TRAPPC9: variants seen among roughly 807,000 people sequenced by gnomAD.
The protein encoded by TRAPPC9 is trafficking protein particle complex subunit 9, also known as IKK2 binding protein.
In TRAPPC9, 83 loss-of-function variants were observed where a neutral mutation model predicts 124.0. The observed-to-expected ratio is 0.67, with a 90% CI of 0.56 to 0.80. The LOEUF is 0.80. Ranked by LOEUF, TRAPPC9 falls within the 30% of genes least tolerant of loss-of-function variation. The pLI, the probability that TRAPPC9 is intolerant of heterozygous loss-of-function variation, is 0.00. For missense variants in TRAPPC9, 1,302 were observed against 1,508.3 expected (o/e 0.86, Z 2.27); for synonymous variants, 638 against 617.5 (o/e 1.03, Z -0.49).
chr8:140,447,314 A>C (rs139859225), intron 2 of TRAPPC9, among the ~76,000 whole-genome samples: 1 of 152,198 alleles, frequency 6.6e-6, no homozygotes, highest in Non-Finnish European at 1.5e-5. Context: ...AAATGAAAAG[A>C]CTATCCAGTT....
At chr8:140,177,779 T>A (rs1317096958) in intron 17 of TRAPPC9, among the ~76,000 whole-genome samples, 1 of 152,134 alleles carries the variant, frequency 6.6e-6, no homozygotes, top group East Asian at 1.9e-4. Context: ...CTCAAGACAA[T>A]CTTTTATAAT....
chr8:140,300,644 C>G (rs746799360), intron 10 of TRAPPC9, 30 bp from the exon 11 acceptor site: 2 of 1,613,874 alleles, frequency 1.2e-6, no homozygotes, highest in Admixed American at 1.7e-5. Flanking sequence ...ACAAATACTT[C>G]AACTGTCTGG....
chr8:140,111,453 G>T (rs1051443317), intron 17 of TRAPPC9, among the ~76,000 whole-genome samples: 4 of 152,162 alleles, frequency 2.6e-5, no homozygotes, highest in Admixed American at 6.5e-5. Flanking sequence ...GGAACATGGT[G>T]GGGGGAAGCA....
At chr8:139,818,153 C>T (rs933617470) in intron 21 of TRAPPC9, among the ~76,000 whole-genome samples, 8 of 152,214 alleles carry the variant, frequency 5.3e-5, no homozygotes, top group African/African-American at 1.9e-4. Context: ...GGCTTTCTGA[C>T]TCCAAAGAGT....
chr8:140,259,616 C>T (rs1189438056), intron 15 of TRAPPC9, among the ~76,000 whole-genome samples: 2 of 152,234 alleles, frequency 1.3e-5, no homozygotes, highest in African/African-American at 4.8e-5. Flanking sequence ...TAGCGCCCAG[C>T]TTAGAATAAG....
chr8:140,236,770 G>A (rs939339297), intron 16 of TRAPPC9, among the ~76,000 whole-genome samples: 2 of 152,216 alleles, frequency 1.3e-5, no homozygotes, highest in Non-Finnish European at 2.9e-5. Flanking sequence ...AATATTCATA[G>A]ATAGGAAGAC....
chr8:140,284,097 G>C, intron 13 of TRAPPC9, 76 bp from the exon 14 acceptor site: 7 of 1,593,882 alleles, frequency 4.4e-6, no homozygotes, highest in Non-Finnish European at 6.0e-6. Flanking sequence ...GCAGTGCGAA[G>C]AGTACGGGGC....
intron 19 of TRAPPC9, among the ~76,000 whole-genome samples, chr8:139,921,793 G>A (rs1832517849): frequency 6.6e-6 from 1 of 152,112 alleles, no homozygotes; most frequent in African/African-American, 2.4e-5. Flanking sequence ...GCTATGGGCT[G>A]CATTCAGGTG....
intron 19 of TRAPPC9, among the ~76,000 whole-genome samples, chr8:139,927,284 A>T (rs2098754108): frequency 6.6e-6 from 1 of 151,502 alleles, no homozygotes; most frequent in African/African-American, 2.4e-5. Context: ...TCACTCTGTT[A>T]CTCAAGCTGG....
At chr8:140,109,179 G>A (rs889871273) in intron 17 of TRAPPC9, among the ~76,000 whole-genome samples, 5 of 152,154 alleles carry the variant, frequency 3.3e-5, no homozygotes, top group South Asian at 2.1e-4. Flanking sequence ...CTCGCCATCC[G>A]TGGGCCGAGC....
intron 16 of TRAPPC9, among the ~76,000 whole-genome samples, chr8:140,244,886 A>G (rs1217095825): frequency 7.2e-6 from 1 of 138,778 alleles, no homozygotes; most frequent in Non-Finnish European, 1.5e-5. Context: ...GGCTCACTGC[A>G]ATCTCTGCTT....
intron 21 of TRAPPC9, among the ~76,000 whole-genome samples, chr8:139,841,048 G>A (rs1826696487): frequency 1.3e-5 from 2 of 152,284 alleles, no homozygotes; most frequent in Middle Eastern, 3.4e-3. Flanking sequence ...AAGCGGCCTC[G>A]CCTGGTTAAA....
intron 19 of TRAPPC9, among the ~76,000 whole-genome samples, chr8:139,916,876 A>G (rs923676675): frequency 2.6e-5 from 4 of 152,236 alleles, no homozygotes; most frequent in African/African-American, 7.2e-5. Context: ...ATTGAGAGAT[A>G]GTTGTTAGTT....
intron 9 of TRAPPC9, among the ~76,000 whole-genome samples, chr8:140,340,898 G>A (rs992024465): frequency 6.6e-6 from 1 of 152,132 alleles, no homozygotes; most frequent in Non-Finnish European, 1.5e-5. Context: ...TGGAAGTCAC[G>A]AACAAATCCA....
intron 17 of TRAPPC9, among the ~76,000 whole-genome samples, chr8:140,030,853 G>A (rs1049459797): frequency 6.6e-6 from 1 of 152,220 alleles, no homozygotes; most frequent in Admixed American, 6.5e-5. Context: ...GTTAGAGGCA[G>A]GAGAGGGTTA....
chr8:140,076,339 C>T (rs1388141142), intron 17 of TRAPPC9, among the ~76,000 whole-genome samples: 2 of 152,150 alleles, frequency 1.3e-5, no homozygotes, highest in Non-Finnish European at 1.5e-5. Flanking sequence ...AGTGGGCCTT[C>T]GGTGACACTC....
At chr8:140,414,927 A>T (rs894242571) in intron 5 of TRAPPC9, among the ~76,000 whole-genome samples, 2 of 152,030 alleles carry the variant, frequency 1.3e-5, no homozygotes, top group Non-Finnish European at 2.9e-5. Flanking sequence ...TTTAGTAGAG[A>T]TGGGGTTTCA....
Position 140,269,069 on chromosome 8 carries a change from C to T in TRAPPC9, c.2278+6589G>A, listed in dbSNP as rs985601382. ...CGTTCTATATCCTGATAAGGGTTTG[C>T]GTTAGACAGATCCATGTATTTCTAA... On this transcript the variant is annotated intron_variant, in intron 15 of 22. Transcript: ENST00000438773. 5.3e-5 allele frequency among the ~76,000 whole-genome samples: 8 copies of T among 152,016 alleles called. No individual in the cohort carries two copies. In the East Asian group the frequency reaches 1.3e-3, roughly 26 times the overall value.
At chr8:139,895,644 G>T (rs1165737808) in intron 20 of TRAPPC9, among the ~76,000 whole-genome samples, 6 of 152,170 alleles carry the variant, frequency 3.9e-5, no homozygotes, top group African/African-American at 7.2e-5. Flanking sequence ...AGTTCACTAT[G>T]GGCCTGGGAC....
Sources: allele counts gnomAD v4.1 joint callset (sites outside exome capture counted in the v4.1 genomes callset), GRCh38; gene constraint gnomAD v4.1.1; transcripts MANE v1.5; gene names NCBI Gene and HGNC (gene_info 2026-07-23, HGNC 2026-07-21).